The following CDYL2 variants were observed in gnomAD, a reference collection of about 807,000 sequenced individuals.
CDYL2 encodes the protein chromodomain Y-like protein 2.
In CDYL2, 23 loss-of-function variants were observed where a neutral mutation model predicts 49.4. The observed-to-expected ratio is 0.47, with a 90% CI of 0.34 to 0.66. The LOEUF is 0.66. CDYL2 is among the 30% of genes least tolerant of loss of function. The pLI is 0.01. For synonymous variants in CDYL2, 360 were observed against 268.8 expected, an observed-to-expected ratio of 1.34 and a Z score of -3.32; for missense variants, 678 against 656.4, an observed-to-expected ratio of 1.03 and a Z score of -0.36.
intron 1 of CDYL2, among the ~76,000 whole-genome samples, chr16:80,714,129 C>G (rs1904715011): frequency 1.3e-5 from 2 of 152,090 alleles, no homozygotes; most frequent in Admixed American, 6.6e-5. Flanking sequence ...TTTATATATT[C>G]AAATGTAAAC....
At chr16:80,729,834 C>A (rs979441443) in intron 1 of CDYL2, among the ~76,000 whole-genome samples, 44 of 152,288 alleles carry the variant, frequency 2.9e-4, no homozygotes, top group Non-Finnish European at 5.1e-4. Context: ...AACTGAACAA[C>A]CTGCTCCTAA....
chr16:80,672,580 G>GAAAGA (rs1288240194), intron 2 of CDYL2, among the ~76,000 whole-genome samples: 1 of 148,764 alleles, frequency 6.7e-6, no homozygotes, highest in Non-Finnish European at 1.5e-5. Context: ...GAAAGGAAAG[G>GAAAGA]AAAGGAAAGG....
At chr16:80,772,413 G>T (rs1906936097) in intron 1 of CDYL2, among the ~76,000 whole-genome samples, 2 of 152,184 alleles carry the variant, frequency 1.3e-5, no homozygotes, top group South Asian at 4.1e-4. Flanking sequence ...GATTCAAGAT[G>T]TCTAAGGTCT....
chr16:80,765,130 T>TATATGTTATAC (rs1906674656), intron 1 of CDYL2, among the ~76,000 whole-genome samples: 1 of 140,662 alleles, frequency 7.1e-6, no homozygotes, highest in African/African-American at 2.6e-5. Context: ...CATATAGTAC[T>TATATGTTATAC]ATATAATATA....
chr16:80,705,612 C>G (rs1170167553), intron 1 of CDYL2, among the ~76,000 whole-genome samples: 1 of 152,234 alleles, frequency 6.6e-6, no homozygotes, highest in Non-Finnish European at 1.5e-5. Context: ...TTCCACATTT[C>G]TTTCAGTAGA....
chr16:80,614,629 G>A (rs1906744459), intron 4 of CDYL2, among the ~76,000 whole-genome samples: 1 of 152,192 alleles, frequency 6.6e-6, no homozygotes, highest in Admixed American at 6.5e-5. Flanking sequence ...AGTGTGGGAG[G>A]CCGAGGTGGA....
chr16:80,759,981 T>C (rs1214479166), intron 1 of CDYL2, among the ~76,000 whole-genome samples: 4 of 152,226 alleles, frequency 2.6e-5, no homozygotes, highest in Admixed American at 2.6e-4. Context: ...AAATTAACTG[T>C]AGAGGCATAA....
chr16:80,617,871 G>C (rs961507132), intron 4 of CDYL2, among the ~76,000 whole-genome samples: 4 of 152,070 alleles, frequency 2.6e-5, no homozygotes, highest in Admixed American at 2.6e-4. Context: ...GCATAGGGCG[G>C]GTGTTCTCAA....
rs532445882 is a variant in CDYL2, at chr16:80,799,016, T to C, written c.24+5134A>G. On this transcript the variant is annotated intron_variant, in intron 1 of 6. Coordinates refer to ENST00000570137, the MANE Select transcript of CDYL2 (RefSeq NM_152342.4). Reference sequence around the variant, plus strand: ...AGAAAATGCTTACCTACATTATCTATATATAGATATATATAGATATATAGA... The same window carrying C: ...AGAAAATGCTTACCTACATTATCTACATATAGATATATATAGATATATAGA... Among the ~76,000 whole-genome samples the C allele has an allele frequency of 1.8e-3, 273 of 151,800 alleles. 1 individual carries two copies. The highest frequency in any genetic ancestry group is 6.0e-3 in the African/African-American group (248 of 41,436).
chr16:80,794,371 A>T (rs912027440), intron 1 of CDYL2, among the ~76,000 whole-genome samples: 5 of 152,042 alleles, frequency 3.3e-5, no homozygotes, highest in African/African-American at 9.7e-5. Flanking sequence ...ATAGGCCTGA[A>T]TTTTTCTAAG....
chr16:80,766,432 G>C (rs574253237), intron 1 of CDYL2, among the ~76,000 whole-genome samples: 2 of 152,258 alleles, frequency 1.3e-5, no homozygotes, highest in African/African-American at 4.8e-5. Context: ...AATTTTCATA[G>C]TCACATGCAG....
intron 1 of CDYL2, among the ~76,000 whole-genome samples, chr16:80,761,139 G>T (rs939527117): frequency 1.3e-5 from 2 of 152,156 alleles, no homozygotes; most frequent in Admixed American, 6.6e-5. Context: ...CAGAAATGCA[G>T]ATTCTCAGGC....
intron 1 of CDYL2, among the ~76,000 whole-genome samples, chr16:80,707,041 G>A (rs1410529182): frequency 6.6e-6 from 1 of 152,144 alleles, no homozygotes; most frequent in African/African-American, 2.4e-5. Context: ...CTCAGAGCAT[G>A]GGGGTGCAGT....
In CDYL2 at chr16:80,684,602, A is replaced by G. The variant is rs780764060; in HGVS notation, c.552T>C (p.His184=). 18 of 1,614,208 alleles carry G rather than the reference A, an allele frequency of 1.1e-5. No homozygotes were observed. Among genetic ancestry groups the G allele is most frequent in the East Asian group, 1.1e-4 (5 of 44,876 alleles). Residue 184 remains histidine, a synonymous_variant, in exon 2 of 7, where the codon CAT becomes CAC. Transcript: ENST00000570137. ...SHQPGLDLND[H]VGEQDMGECD... ...ATTCACCCATATCTTGCTCTCCAAC[A>G]TGATCATTCAAATCCAAGCCAGGCT...
At chr16:80,796,432 A>G (rs1435835896) in intron 1 of CDYL2, among the ~76,000 whole-genome samples, 4 of 152,190 alleles carry the variant, frequency 2.6e-5, no homozygotes, top group African/African-American at 9.6e-5. Context: ...TATCAATAGC[A>G]CCATCATCTT....
intron 1 of CDYL2, among the ~76,000 whole-genome samples, chr16:80,687,271 C>G (rs1182294267): frequency 6.6e-6 from 1 of 152,176 alleles, no homozygotes; most frequent in East Asian, 1.9e-4. Flanking sequence ...GCCTCCAGCT[C>G]TAGACAATAT....
chr16:80,773,359 T>C (rs532579577), intron 1 of CDYL2, among the ~76,000 whole-genome samples: 3 of 152,054 alleles, frequency 2.0e-5, no homozygotes, highest in Admixed American at 6.5e-5. Flanking sequence ...CAAGGAGAAA[T>C]AGACATTTCC....
intron 1 of CDYL2, among the ~76,000 whole-genome samples, chr16:80,786,039 G>A (rs8051557): frequency 0.023 from 3,552 of 152,254 alleles, 110 homozygotes; most frequent in African/African-American, 0.071. Context: ...ATACCATTCA[G>A]GACATAGGCT....
intron 2 of CDYL2, among the ~76,000 whole-genome samples, chr16:80,668,060 C>T (rs780428972): frequency 6.6e-6 from 1 of 152,226 alleles, no homozygotes; most frequent in Admixed American, 6.5e-5. Flanking sequence ...AAAAGCATTA[C>T]AAAGACTGGC....
Sources: gnomAD v4.1 joint callset for allele counts (sites outside exome capture counted in the v4.1 genomes callset) on GRCh38, gnomAD v4.1.1 for gene constraint, MANE v1.5 for transcripts, NCBI Gene and HGNC (gene_info 2026-07-23, HGNC 2026-07-21) for gene names.